Variants in PYGO1 observed in about 807,000 individuals in gnomAD.
PYGO1 encodes pygopus family PHD finger 1.
In PYGO1, 6 loss-of-function variants were observed where a neutral mutation model predicts 29.5. The observed-to-expected ratio is 0.20, with a 90% CI of 0.11 to 0.40. The LOEUF is 0.40. Among genes scored for constraint, PYGO1 ranks in the 10% least tolerant of loss-of-function variants. PYGO1 has a pLI of 1.00. For synonymous variants in PYGO1, 186 were observed against 180.5 expected (o/e 1.03, Z -0.24); for missense variants, 515 against 514.9 (o/e 1.00, Z 0.00).
At chr15:55,552,824 C>A (rs1238571871) in intron 1 of PYGO1, among the ~76,000 whole-genome samples, 1 of 152,168 alleles carries the variant, frequency 6.6e-6, no homozygotes, top group East Asian at 1.9e-4. Flanking sequence ...GAAAAAGAAT[C>A]CTGCAAGGCA....
chr15:55,572,006 T>TA (rs1344024120), intron 1 of PYGO1, among the ~76,000 whole-genome samples: 1 of 152,130 alleles, frequency 6.6e-6, no homozygotes, highest in East Asian at 1.9e-4. Context: ...AGGGAGTTTT[T>TA]ATCTACAGAT....
Position 55,587,975 on chromosome 15 carries a change from G to T in PYGO1, c.-92C>A. On this transcript the variant is annotated 5_prime_UTR_variant, in exon 1 of 3. Transcript: ENST00000563719. ...GGCTCCTCCTCCTCGCGGGGCCGCTGCGGCTGCGAGGCAAGCCTCGGAGCC... is the reference window on the plus strand; with the variant it reads ...GGCTCCTCCTCCTCGCGGGGCCGCTTCGGCTGCGAGGCAAGCCTCGGAGCC... The T allele has an allele frequency of 7.0e-7, 1 of 1,420,702 alleles. No individual in the cohort carries two copies. The highest frequency in any genetic ancestry group is 2.4e-5 in the Admixed American group (1 of 41,370). 88.0% of individuals were successfully genotyped at this position (1,420,702 alleles called of 1,614,324 possible).
intron 1 of PYGO1, among the ~76,000 whole-genome samples, chr15:55,560,855 G>A (rs62020047): frequency 0.054 from 8,192 of 152,114 alleles, 274 homozygotes; most frequent in Middle Eastern, 0.068. Context: ...TCAGCTACTC[G>A]GGAGGCTGAG....
At chr15:55,551,878 A>C (rs62020039) in intron 1 of PYGO1, among the ~76,000 whole-genome samples, 8,305 of 152,222 alleles carry the variant, frequency 0.055, 278 homozygotes, top group Non-Finnish European at 0.068. Flanking sequence ...TATTCAAAGG[A>C]TAATACATCA....
chr15:55,540,998 T>C lies in PYGO1; in HGVS notation c.*5025A>G, dbSNP rs575408021. ...ATATTTTGACAAACAAGCAACATCATCTACACATCTACAGAACAAGAAAGG... is the reference window on the plus strand; with the variant it reads ...ATATTTTGACAAACAAGCAACATCACCTACACATCTACAGAACAAGAAAGG... On this transcript the variant is annotated 3_prime_UTR_variant, in exon 3 of 3. Coordinates refer to ENST00000563719, the MANE Select transcript of PYGO1 (RefSeq NM_001367806.1). 10 of 152,342 alleles carry C rather than the reference T, an allele frequency of 6.6e-5. No homozygotes were observed. The highest frequency in any genetic ancestry group is 2.4e-4 in the African/African-American group (10 of 41,574). The allele number at this position is 152,342 out of a possible 1,614,324, so 9.4% of individuals were successfully genotyped here.
chr15:55,573,420 A>G (rs2058988420), intron 1 of PYGO1, among the ~76,000 whole-genome samples: 1 of 152,236 alleles, frequency 6.6e-6, no homozygotes, highest in East Asian at 1.9e-4. Flanking sequence ...GCCATTAAAG[A>G]GAAGCCTGGA....
intron 1 of PYGO1, among the ~76,000 whole-genome samples, chr15:55,574,646 ATATG>A (rs1161200197): frequency 3.0e-5 from 1 of 33,742 alleles, no homozygotes; most frequent in Non-Finnish European, 1.1e-4. Flanking sequence ...GGTATACTGT[ATATG>A]TGTGTGTGTG....
intron 1 of PYGO1, among the ~76,000 whole-genome samples, chr15:55,568,587 T>C (rs2058967173): frequency 6.6e-6 from 1 of 152,154 alleles, no homozygotes; most frequent in African/African-American, 2.4e-5. Flanking sequence ...GGATGCCTTT[T>C]CTTTCTCTTG....
chr15:55,586,321 C>T (rs1041903199), intron 1 of PYGO1, among the ~76,000 whole-genome samples: 1 of 152,118 alleles, frequency 6.6e-6, no homozygotes, highest in East Asian at 1.9e-4. Flanking sequence ...GCTTAAGATG[C>T]CCTGTTTAAA....
chr15:55,546,479 C>A lies in PYGO1; in HGVS notation c.804G>T (p.Gln268His), dbSNP rs1204597388. 3 of 1,613,920 alleles carry A rather than the reference C, an allele frequency of 1.9e-6. No individual in the cohort carries two copies. In the African/African-American group the frequency reaches 4.0e-5, roughly 22 times the overall value. ...PHLNMDDTVNQSNIELKNVNR... is the reference protein window; with the variant it reads ...PHLNMDDTVNHSNIELKNVNR... ...TAACATTTTTTAATTCAATATTACTCTGATTCACTGTGTCATCCATATTCA... is the reference window on the plus strand; with the variant it reads ...TAACATTTTTTAATTCAATATTACTATGATTCACTGTGTCATCCATATTCA... The change falls in exon 3 of 3, where the codon CAG becomes CAT. Residue 268 changes from glutamine to histidine, a missense_variant. Physicochemically the swap from Gln to His is conservative, Grantham distance 24 (BLOSUM62 0). Transcript: ENST00000563719.
chr15:55,559,369 T>TA (rs1443794239), intron 1 of PYGO1, among the ~76,000 whole-genome samples: 8 of 152,126 alleles, frequency 5.3e-5, no homozygotes, highest in Non-Finnish European at 1.5e-5. Flanking sequence ...GGAATACTTT[T>TA]ACACTGTTGG....
At chr15:55,578,066 G>A (rs552553654) in intron 1 of PYGO1, among the ~76,000 whole-genome samples, 40 of 152,154 alleles carry the variant, frequency 2.6e-4, no homozygotes, top group Admixed American at 5.9e-4. Flanking sequence ...GCCTATTCCA[G>A]ACATTTCACA....
At position 55,543,553 on chromosome 15, in the gene PYGO1, T is replaced by C. The variant is rs1239905779; in HGVS notation, c.*2470A>G. 6.6e-6 allele frequency: 1 copy of C among 152,174 alleles called. No individual in the cohort carries two copies. The highest frequency in any genetic ancestry group is 1.5e-5 in the Non-Finnish European group (1 of 68,030). The allele number at this position is 152,174 out of a possible 1,614,324, so 9.4% of individuals were successfully genotyped here. A position where few individuals can be genotyped will look rare whatever the true frequency, so the allele number is the denominator to read the frequency against. On this transcript the variant is annotated 3_prime_UTR_variant, in exon 3 of 3. Coordinates refer to ENST00000563719, the MANE Select transcript of PYGO1 (RefSeq NM_001367806.1). ...GTTTTTAAAAACAACTATGTGGAAA[T>C]AGAAAATGAATTATATTGCATAACA...
intron 1 of PYGO1, among the ~76,000 whole-genome samples, chr15:55,581,788 G>A (rs1424607571): frequency 5.4e-5 from 8 of 146,804 alleles, no homozygotes; most frequent in African/African-American, 1.5e-4. Context: ...ATGTGGAAAT[G>A]GATTAAGAGG....
At chr15:55,563,272 C>T (rs1009559062) in intron 1 of PYGO1, among the ~76,000 whole-genome samples, 4 of 151,178 alleles carry the variant, frequency 2.6e-5, no homozygotes, top group African/African-American at 4.9e-5. Flanking sequence ...AACTGAAAAA[C>T]GGCCAAAGGT....
At chr15:55,570,709 T>C (rs2058976747) in intron 1 of PYGO1, among the ~76,000 whole-genome samples, 1 of 152,116 alleles carries the variant, frequency 6.6e-6, no homozygotes, top group African/African-American at 2.4e-5. Context: ...CTATCCAGAA[T>C]TTTAAAAAAT....
chr15:55,557,958 C>T (rs1418982935), intron 1 of PYGO1, among the ~76,000 whole-genome samples: 1 of 152,188 alleles, frequency 6.6e-6, no homozygotes, highest in Non-Finnish European at 1.5e-5. Context: ...TCTCTTACCA[C>T]TCCTATTCAA....
chr15:55,546,926 A>G lies in PYGO1; in HGVS notation c.357T>C (p.Cys119=). The G allele has an allele frequency of 6.2e-7, 1 of 1,614,170 alleles. No individual in the cohort carries two copies. Among genetic ancestry groups the G allele is most frequent in the Non-Finnish European group, 8.5e-7 (1 of 1,179,996 alleles). The change falls in exon 3 of 3, where the codon TGT becomes TGC. Residue 119 remains cysteine (C), a synonymous_variant. Coordinates refer to ENST00000563719, the MANE Select transcript of PYGO1 (RefSeq NM_001367806.1). ...GCTGGTTCCTGAGTGAGTAAGGACCACAGTATGGGGAAGACATTCTTGGGG... is the reference window on the plus strand; with the variant it reads ...GCTGGTTCCTGAGTGAGTAAGGACCGCAGTATGGGGAAGACATTCTTGGGG... The part of the protein sequence containing the change: ...HVPPRMSSPY[C]GPYSLRNQPH...
chr15:55,542,539 A>G lies in PYGO1; in HGVS notation c.*3484T>C, dbSNP rs2058832125. ...TATCTTTCACAAGCTGAGCTGTTTC[A>G]GTATTAGTGAATCGAGTAACACCTA... is the stretch of plus-strand genomic sequence containing the variant. On this transcript the variant is annotated 3_prime_UTR_variant, in exon 3 of 3. Coordinates refer to ENST00000563719, the MANE Select transcript of PYGO1 (RefSeq NM_001367806.1). 1 of 152,228 alleles carries G rather than the reference A, an allele frequency of 6.6e-6. No individual in the cohort carries two copies. The highest frequency in any genetic ancestry group is 1.9e-4 in the East Asian group (1 of 5,206). 9.4% of individuals were successfully genotyped at this position (152,228 alleles called of 1,614,324 possible). A position where few individuals can be genotyped will look rare whatever the true frequency, so the allele number is the denominator to read the frequency against.
Sources: allele counts gnomAD v4.1 joint callset (sites outside exome capture counted in the v4.1 genomes callset), GRCh38; gene constraint gnomAD v4.1.1; transcripts MANE v1.5; gene names NCBI Gene and HGNC (gene_info 2026-07-23, HGNC 2026-07-21).